SHC3: variants seen among roughly 807,000 people sequenced by gnomAD.
SHC3 encodes the protein SHC adaptor protein 3.
In SHC3, 15 loss-of-function variants were observed where a neutral mutation model predicts 60.4. The ratio of observed to expected loss-of-function variants is 0.25; its 90% CI spans 0.17 to 0.38. The LOEUF (loss-of-function observed/expected upper bound fraction) is 0.38, where lower values mean the gene tolerates loss of function less well. Ranked by LOEUF, SHC3 falls within the 10% of genes least tolerant of loss-of-function variation. SHC3 has a pLI of 1.00. For missense variants in SHC3, 677 were observed against 786.1 expected (o/e 0.86, Z 1.66); for synonymous variants, 294 against 325.9 (o/e 0.90, Z 1.05).
chr9:89,045,725 C>A, intron 9 of SHC3, 21 bp downstream of exon 9: 4 of 1,611,414 alleles, frequency 2.5e-6, no homozygotes, highest in Non-Finnish European at 2.5e-6. Flanking sequence ...TGTTTCTCAC[C>A]CATCTCACCT....
intron 11 of SHC3, among the ~76,000 whole-genome samples, chr9:89,028,514 A>G (rs920492463): frequency 2.1e-5 from 3 of 145,236 alleles, no homozygotes; most frequent in Non-Finnish European, 4.5e-5. Context: ...TATAGATTAT[A>G]TCTATATAGA....
chr9:89,035,856 T>TATATATATA (rs1317555722), intron 11 of SHC3, among the ~76,000 whole-genome samples: 95 of 88,948 alleles, frequency 1.1e-3, no homozygotes, highest in Non-Finnish European at 1.7e-3. Context: ...TATAGATGTG[T>TATATATATA]GTGTGTGTGT....
chr9:89,082,729 A>T (rs1401579357), intron 2 of SHC3, among the ~76,000 whole-genome samples: 1 of 152,090 alleles, frequency 6.6e-6, no homozygotes, highest in Non-Finnish European at 1.5e-5. Context: ...GAGTCCTCCT[A>T]TGCCCCACGG....
chr9:89,074,973 G>T, intron 4 of SHC3, 136 bp downstream of exon 4: 1 of 1,158,658 alleles, frequency 8.6e-7, no homozygotes, highest in Non-Finnish European at 1.2e-6. Context: ...CTTCAAAGTG[G>T]CCAAAGTTCA....
chr9:89,050,039 T>C (rs1824837521), intron 7 of SHC3, among the ~76,000 whole-genome samples: 1 of 152,228 alleles, frequency 6.6e-6, no homozygotes, highest in Non-Finnish European at 1.5e-5. Flanking sequence ...CCCTTTTTAA[T>C]AAAATTTGTC....
chr9:89,045,243 T>C (rs4877042), intron 9 of SHC3, among the ~76,000 whole-genome samples: 41,956 of 150,490 alleles, frequency 0.28, 7,613 homozygotes, highest in African/African-American at 0.52. Context: ...GGAGGCACTA[T>C]CTGATTGGTG....
intron 11 of SHC3, among the ~76,000 whole-genome samples, chr9:89,029,519 C>T (rs1014397997): frequency 2.0e-5 from 3 of 152,114 alleles, no homozygotes; most frequent in East Asian, 1.9e-4. Context: ...GCACCTCTTC[C>T]GAGAAAGGCA....
intron 2 of SHC3, among the ~76,000 whole-genome samples, chr9:89,078,202 G>A (rs954517368): frequency 2.7e-5 from 4 of 150,408 alleles, no homozygotes; most frequent in African/African-American, 7.4e-5. Flanking sequence ...ATTTTGCTAA[G>A]ATTCTATTTT....
At chr9:89,161,684 G>C (rs1826709310) in intron 1 of SHC3, among the ~76,000 whole-genome samples, 1 of 151,578 alleles carries the variant, frequency 6.6e-6, no homozygotes, top group Non-Finnish European at 1.5e-5. Flanking sequence ...ACTGGCACAA[G>C]ACAGGGATGC....
chr9:89,065,607 G>T, intron 5 of SHC3, 27 bp from the exon 6 acceptor site: 1 of 1,612,344 alleles, frequency 6.2e-7, no homozygotes. Context: ...AGATGTCTAT[G>T]TCACTAATCA....
intron 5 of SHC3, 66 bp from the exon 6 acceptor site, chr9:89,065,646 C>G: frequency 6.6e-7 from 1 of 1,521,080 alleles, no homozygotes; most frequent in Non-Finnish European, 9.1e-7. Flanking sequence ...GTCAGGGACA[C>G]AGGGCACAAA....
intron 1 of SHC3, among the ~76,000 whole-genome samples, chr9:89,146,557 C>A (rs1025747961): frequency 3.3e-5 from 5 of 151,986 alleles, no homozygotes; most frequent in African/African-American, 1.2e-4. Flanking sequence ...TAGGAATAGA[C>A]TGGAAGTAAA....
At chr9:89,042,555 A>T (rs1329355122) in intron 9 of SHC3, among the ~76,000 whole-genome samples, 1 of 152,256 alleles carries the variant, frequency 6.6e-6, no homozygotes, top group East Asian at 1.9e-4. Flanking sequence ...GAGCAGAAGG[A>T]CCACAAGCCT....
At chr9:89,127,392 T>C (rs1257163814) in intron 1 of SHC3, among the ~76,000 whole-genome samples, 3 of 152,166 alleles carry the variant, frequency 2.0e-5, no homozygotes, top group South Asian at 2.1e-4. Flanking sequence ...AACAGTGCTA[T>C]GGTTAAAAGT....
At chr9:89,168,206 C>T (rs992011914) in intron 1 of SHC3, among the ~76,000 whole-genome samples, 2 of 152,200 alleles carry the variant, frequency 1.3e-5, no homozygotes, top group African/African-American at 4.8e-5. Flanking sequence ...TGGCTCACGC[C>T]TGTAATCCCA....
At chr9:89,112,368 G>A (rs1448345106) in intron 2 of SHC3, among the ~76,000 whole-genome samples, 188 bp downstream of exon 2, 1 of 152,170 alleles carries the variant, frequency 6.6e-6, no homozygotes, top group African/African-American at 2.4e-5. Flanking sequence ...TACTTTGGTT[G>A]AGAGATATAC....
intron 7 of SHC3, among the ~76,000 whole-genome samples, chr9:89,049,117 C>A (rs1256593805): frequency 6.6e-6 from 1 of 152,054 alleles, no homozygotes; most frequent in Admixed American, 6.6e-5. Context: ...AAAAATTAGC[C>A]GGGCGTGGTG....
intron 1 of SHC3, among the ~76,000 whole-genome samples, chr9:89,124,223 C>T (rs1380462796): frequency 2.0e-5 from 3 of 152,182 alleles, no homozygotes; most frequent in South Asian, 2.1e-4. Flanking sequence ...GAAATAGGAA[C>T]ACTTTCACAC....
Position 89,010,309 on chromosome 9 carries a change from C to A in SHC3, c.*3138G>T, listed in dbSNP as rs1299168718. 1.3e-5 allele frequency: 2 copies of A among 152,266 alleles called. No individual in the cohort carries two copies. Among genetic ancestry groups the A allele is most frequent in the African/African-American group, 2.4e-5 (1 of 41,470 alleles). The allele number at this position is 152,266 out of a possible 1,614,324, so 9.4% of individuals were successfully genotyped here. A position where few individuals can be genotyped will look rare whatever the true frequency, so the allele number is the denominator to read the frequency against. Reference sequence around the variant, plus strand: ...GACTGCGGTGTTTTTCACCTCCCCACCCGATTCTCCGGTTAGCTACTCAGA... The same window carrying A: ...GACTGCGGTGTTTTTCACCTCCCCAACCGATTCTCCGGTTAGCTACTCAGA... On this transcript the variant is annotated 3_prime_UTR_variant, in exon 12 of 12. Transcript: ENST00000375835.
Sources: allele counts gnomAD v4.1 joint callset (sites outside exome capture counted in the v4.1 genomes callset), GRCh38; gene constraint gnomAD v4.1.1; transcripts MANE v1.5; gene names NCBI Gene and HGNC (gene_info 2026-07-23, HGNC 2026-07-21).